The following UNC13C variants were observed in gnomAD, a reference collection of about 807,000 sequenced individuals.
The protein encoded by UNC13C is protein unc-13 homolog C.
A neutral mutation model predicts 245.4 loss-of-function variants in UNC13C; 174 were observed. The ratio of observed to expected loss-of-function variants is 0.71; its 90% confidence interval spans 0.63 to 0.80. The LOEUF (loss-of-function observed/expected upper bound fraction) is 0.80. Among genes scored for constraint, UNC13C ranks in the 30% least tolerant of loss-of-function variants. UNC13C has a pLI of 0.00. For synonymous variants in UNC13C, 992 were observed against 895.1 expected (o/e 1.11, Z -1.93); for missense variants, 2,829 against 2,602.9 (o/e 1.09, Z -1.89).
At chr15:54,048,474 GA>G (rs1897135777) in intron 2 of UNC13C, 20 of 608,246 alleles carry the variant, frequency 3.3e-5, no homozygotes, top group South Asian at 2.7e-4. Context: ...CCAGCCTGAA[GA>G]AGTGCTATTT....
intron 26 of UNC13C, among the ~76,000 whole-genome samples, chr15:54,537,755 A>G (rs1896048486): frequency 6.6e-6 from 1 of 150,518 alleles, no homozygotes; most frequent in Admixed American, 6.6e-5. Context: ...TAGTCAACAA[A>G]TGGTGTTGTT....
In UNC13C at chr15:54,622,370, G is replaced by A; in HGVS notation, c.6150G>A (p.Val2050=). ...KDAVGQISVH[V]DITATPGTGD... ...CCGTGGGTCAGATATCTGTTCATGTGGACATCACTGCCACCCCAGGAACGG... is the reference window on the plus strand; with the variant it reads ...CCGTGGGTCAGATATCTGTTCATGTAGACATCACTGCCACCCCAGGAACGG... The change falls in exon 31 of 33, where the codon GTG becomes GTA. Residue 2050 remains valine, a synonymous_variant. Coordinates refer to ENST00000260323, the MANE Select transcript of UNC13C (RefSeq NM_001080534.3). 6.2e-7 allele frequency: 1 copy of A among 1,613,190 alleles called. No homozygotes were observed. Among genetic ancestry groups the A allele is most frequent in the Non-Finnish European group, 8.5e-7 (1 of 1,179,424 alleles).
chr15:54,614,117 C>G (rs17237774), intron 30 of UNC13C, among the ~76,000 whole-genome samples: 31,521 of 151,920 alleles, frequency 0.21, 3,466 homozygotes, highest in Middle Eastern at 0.28. Flanking sequence ...TCGTGTTCTT[C>G]TCTTTCCTTT....
intron 4 of UNC13C, among the ~76,000 whole-genome samples, chr15:54,149,041 G>T (rs185419658): frequency 6.6e-6 from 1 of 152,110 alleles, no homozygotes; most frequent in Admixed American, 6.6e-5. Context: ...CCCCCAGGCT[G>T]TTCTCCTGCT....
chr15:54,440,987 A>C (rs4776229), intron 19 of UNC13C, among the ~76,000 whole-genome samples: 149,757 of 152,152 alleles, frequency 0.98, 73,720 homozygotes, highest in African/African-American at 0.99. Flanking sequence ...ATGTCATTTG[A>C]CTACTTTTTG....
intron 19 of UNC13C, among the ~76,000 whole-genome samples, chr15:54,473,831 G>A (rs1038684956): frequency 6.6e-6 from 1 of 151,538 alleles, no homozygotes; most frequent in Non-Finnish European, 1.5e-5. Flanking sequence ...TATATCACAC[G>A]AATAATATAC....
At chr15:54,449,769 T>C (rs1891063720) in intron 19 of UNC13C, among the ~76,000 whole-genome samples, 1 of 152,204 alleles carries the variant, frequency 6.6e-6, no homozygotes, top group Non-Finnish European at 1.5e-5. Flanking sequence ...CCTTCTTCTC[T>C]CAGCTCATCA....
chr15:54,573,043 A>C (rs1897825245), intron 30 of UNC13C, among the ~76,000 whole-genome samples: 1 of 152,020 alleles, frequency 6.6e-6, no homozygotes, highest in Non-Finnish European at 1.5e-5. Flanking sequence ...AATTTTTTTC[A>C]CTATTTTCAG....
intron 10 of UNC13C, among the ~76,000 whole-genome samples, chr15:54,284,817 A>T (rs1361517748): frequency 2.0e-5 from 3 of 152,066 alleles, no homozygotes; most frequent in Non-Finnish European, 4.4e-5. Context: ...TATTTTAAAA[A>T]CTTAGTATTC....
At chr15:54,481,853 G>C (rs576131416) in intron 19 of UNC13C, among the ~76,000 whole-genome samples, 1 of 152,118 alleles carries the variant, frequency 6.6e-6, no homozygotes, top group Non-Finnish European at 1.5e-5. Context: ...CAGGCCTCCA[G>C]ATGACCTGTG....
At chr15:53,902,576 A>C in the UNC13C span, among the ~76,000 whole-genome samples, 4 of 152,216 alleles carry the variant, frequency 2.6e-5, no homozygotes, top group Non-Finnish European at 5.9e-5. Flanking sequence ...AAATATTGAG[A>C]CTAGCAAGTC....
chr15:54,552,531 AT>A lies in UNC13C; in HGVS notation c.5877+2841del, dbSNP rs1222803599. ...TATATATTATATATTATATATAATAATATAATTATATATTATATTGTATATA... is the reference window on the plus strand; with the variant it reads ...TATATATTATATATTATATATAATAAATAATTATATATTATATTGTATATA... On this transcript the variant is annotated intron_variant, in intron 28 of 32. Transcript: ENST00000260323. Among the ~76,000 whole-genome samples, 53 of 19,566 alleles carry A rather than the reference AT, an allele frequency of 2.7e-3. 3 individuals carry two copies. In the East Asian group the frequency reaches 0.088, roughly 33 times the overall value. 12.8% of individuals were successfully genotyped at this position (19,566 alleles called of 152,430 possible).
intron 17 of UNC13C, among the ~76,000 whole-genome samples, chr15:54,354,083 C>A (rs575913281): frequency 7.9e-5 from 12 of 152,198 alleles, no homozygotes; most frequent in Non-Finnish European, 1.8e-4. Flanking sequence ...TGAAATCAAA[C>A]CCACCTGGAT....
upstream of UNC13C, among the ~76,000 whole-genome samples, chr15:53,973,412 A>G (rs1893599547): frequency 1.3e-5 from 2 of 152,060 alleles, no homozygotes; most frequent in Non-Finnish European, 2.9e-5. Context: ...TAGAAATTAC[A>G]TTTATACCTA....
chr15:53,899,030 A>T, the UNC13C span, among the ~76,000 whole-genome samples: 1 of 151,402 alleles, frequency 6.6e-6, no homozygotes, highest in Non-Finnish European at 1.5e-5. Context: ...TACTGGCTGG[A>T]CGTTCTTCCA....
intron 13 of UNC13C, among the ~76,000 whole-genome samples, chr15:54,318,846 A>G (rs1300247340): frequency 6.6e-6 from 1 of 151,898 alleles, no homozygotes; most frequent in Admixed American, 6.6e-5. Context: ...TTTTACATAA[A>G]TCTTTTAGTT....
intron 1 of UNC13C, among the ~76,000 whole-genome samples, chr15:53,991,161 G>A (rs553767649): frequency 1.3e-5 from 2 of 151,958 alleles, no homozygotes; most frequent in African/African-American, 4.8e-5. Flanking sequence ...TTATAACCTG[G>A]TACTTGAAAT....
At chr15:54,333,464 G>T (rs2038494040) in intron 15 of UNC13C, among the ~76,000 whole-genome samples, 1 of 151,926 alleles carries the variant, frequency 6.6e-6, no homozygotes, top group African/African-American at 2.4e-5. Flanking sequence ...TTAGTAGCAA[G>T]ACTATTTTAG....
chr15:54,494,786 T>A, intron 20 of UNC13C, 52 bp downstream of exon 20: 15 of 1,585,050 alleles, frequency 9.5e-6, no homozygotes, highest in Non-Finnish European at 1.3e-5. Context: ...CACATTCCTG[T>A]AAAATTACAC....
Sources: allele counts gnomAD v4.1 joint callset (sites outside exome capture counted in the v4.1 genomes callset), GRCh38; gene constraint gnomAD v4.1.1; transcripts MANE v1.5; gene names NCBI Gene and HGNC (gene_info 2026-07-23, HGNC 2026-07-21).